Variants in SSH2 observed in about 807,000 individuals in gnomAD.
SSH2 encodes protein phosphatase Slingshot homolog 2.
Under a neutral mutation model 135.2 loss-of-function variants are expected in SSH2, and 37 were observed. The ratio of observed to expected loss-of-function variants is 0.27; its 90% confidence interval spans 0.21 to 0.36. SSH2 has a LOEUF of 0.36. Ranked by LOEUF, SSH2 falls within the 10% of genes least tolerant of loss-of-function variation. The pLI, the probability that SSH2 is intolerant of heterozygous loss-of-function variation, is 1.00. For missense variants in SSH2, 1,408 were observed against 1,765.3 expected (o/e 0.80, Z 3.63); for synonymous variants, 628 against 646.2 (o/e 0.97, Z 0.43).
In SSH2 at chr17:29,683,794, A is replaced by C. The variant is rs566685449; in HGVS notation, c.479+769T>G. Among the ~76,000 whole-genome samples, 5 of 151,842 alleles carry C rather than the reference A, an allele frequency of 3.3e-5. No homozygotes were observed. The South Asian group carries it at 1.0e-3, about 32-fold the overall frequency. On this transcript the variant is annotated intron_variant, in intron 6 of 15. Transcript: ENST00000540801. The stretch of plus-strand genomic sequence containing the variant: ...TAAGGAAAAAAAAAAAAAAAAGACC[A>C]AATAGCTGGGTATGGTGGTGCATGC...
intron 3 of SSH2, among the ~76,000 whole-genome samples, chr17:29,736,309 T>A (rs557854176): frequency 1.3e-5 from 2 of 152,186 alleles, no homozygotes; most frequent in Non-Finnish European, 2.9e-5. Context: ...TGTCAACAGC[T>A]ACCCAGAGCA....
At position 29,632,898 on chromosome 17, in the gene SSH2, T is replaced by C. The variant is rs758755460; in HGVS notation, c.2296A>G (p.Met766Val). The change falls in exon 16 of 16, where the codon ATG (methionine) becomes GTG (valine). Residue 766 changes from methionine (M) to valine (V), a missense_variant. Physicochemically the swap from Met to Val is conservative, Grantham distance 21 (BLOSUM62 1). Transcript: ENST00000540801. The stretch of plus-strand genomic sequence containing the variant: ...ATTGCATTTTCCGAGTGAGACTGCA[T>C]GAAGATGTCTGGGCTGACCAGTTCT... ...ISELVSPDIFMQSHSENAISV... is the reference protein window; with the variant it reads ...ISELVSPDIFVQSHSENAISV... The C allele has an allele frequency of 1.9e-6, 3 of 1,613,372 alleles. No individual in the cohort carries two copies. Among genetic ancestry groups the C allele is most frequent in the African/African-American group, 1.3e-5 (1 of 75,054 alleles).
At chr17:29,909,717 C>G (rs1398804371) in intron 1 of SSH2, among the ~76,000 whole-genome samples, 2 of 152,116 alleles carry the variant, frequency 1.3e-5, no homozygotes, top group East Asian at 3.8e-4. Flanking sequence ...TTTGTTATTT[C>G]CAGTGCTTAC....
At chr17:29,891,663 T>C (rs922220678) in intron 1 of SSH2, among the ~76,000 whole-genome samples, 2 of 151,146 alleles carry the variant, frequency 1.3e-5, no homozygotes, top group African/African-American at 4.9e-5. Context: ...TTGCAGAATT[T>C]CCAGACTTCT....
chr17:29,916,705 T>C (rs556874477), intron 1 of SSH2, among the ~76,000 whole-genome samples: 1 of 152,282 alleles, frequency 6.6e-6, no homozygotes, highest in Non-Finnish European at 1.5e-5. Context: ...AAGGTTTATG[T>C]TAGGATAACT....
At chr17:29,746,906 T>G (rs2040782293) in intron 3 of SSH2, among the ~76,000 whole-genome samples, 1 of 152,238 alleles carries the variant, frequency 6.6e-6, no homozygotes, top group Non-Finnish European at 1.5e-5. Flanking sequence ...CTTAAAGTGT[T>G]GCTTAAGTTG....
At chr17:29,656,608 G>A (rs2036792032) in intron 11 of SSH2, among the ~76,000 whole-genome samples, 1 of 152,230 alleles carries the variant, frequency 6.6e-6, no homozygotes, top group South Asian at 2.1e-4. Context: ...AAAATTTTAA[G>A]ATAGGGATAA....
intron 2 of SSH2, among the ~76,000 whole-genome samples, chr17:29,794,559 A>G (rs1026667182): frequency 5.9e-5 from 9 of 152,258 alleles, no homozygotes; most frequent in African/African-American, 2.2e-4. Flanking sequence ...AATGTCATAT[A>G]AAAGCACTGA....
intron 9 of SSH2, among the ~76,000 whole-genome samples, chr17:29,668,539 C>T (rs2037365133): frequency 6.6e-6 from 1 of 151,536 alleles, no homozygotes; most frequent in African/African-American, 2.4e-5. Context: ...GAGACTAGCC[C>T]AGGCAATTGG....
At chr17:29,750,654 C>G (rs916123926) in intron 3 of SSH2, among the ~76,000 whole-genome samples, 3 of 151,534 alleles carry the variant, frequency 2.0e-5, no homozygotes, top group African/African-American at 7.3e-5. Flanking sequence ...CCCAGAGTAG[C>G]TGGGATTACA....
At chr17:29,866,514 T>C (rs937958486) in intron 1 of SSH2, among the ~76,000 whole-genome samples, 2 of 152,146 alleles carry the variant, frequency 1.3e-5, no homozygotes, top group African/African-American at 2.4e-5. Flanking sequence ...AACAAGTTTA[T>C]ACAGACAGGG....
At position 29,681,822 on chromosome 17, in the gene SSH2, G is replaced by A. The variant is rs577958504; in HGVS notation, c.479+2741C>T. On this transcript the variant is annotated intron_variant, in intron 6 of 15. Transcript: ENST00000540801. The stretch of plus-strand genomic sequence containing the variant: ...ACATTTACATTCTCAGATATGAAAT[G>A]ATACAAATTCAAATTCCTTCAACAA... Among the ~76,000 whole-genome samples the A allele has an allele frequency of 5.3e-5, 8 of 152,244 alleles. No homozygotes were observed. The South Asian group carries it at 1.7e-3, about 32-fold the overall frequency.
At chr17:29,634,593 G>GC (rs2035818096) in intron 15 of SSH2, among the ~76,000 whole-genome samples, 1 of 152,058 alleles carries the variant, frequency 6.6e-6, no homozygotes, top group Admixed American at 6.5e-5. Context: ...TCGCTCTGTT[G>GC]CCAGGCTGGA....
At chr17:29,924,437 T>C (rs1337433874) in intron 1 of SSH2, among the ~76,000 whole-genome samples, 1 of 152,198 alleles carries the variant, frequency 6.6e-6, no homozygotes, top group Non-Finnish European at 1.5e-5. Flanking sequence ...TGGACATCTA[T>C]CTAAAAATAT....
At chr17:29,822,725 AAAAGCAACTTT>A (rs1231230226) in intron 2 of SSH2, among the ~76,000 whole-genome samples, 5 of 152,140 alleles carry the variant, frequency 3.3e-5, no homozygotes, top group African/African-American at 1.2e-4. Context: ...CTATTTCCAC[AAAAGCAACTTT>A]AACGGACAGT....
intron 3 of SSH2, among the ~76,000 whole-genome samples, chr17:29,789,390 A>C (rs985966469): frequency 6.6e-6 from 1 of 152,220 alleles, no homozygotes; most frequent in Admixed American, 6.5e-5. Flanking sequence ...TCTCAATAGA[A>C]GCCAGGATAG....
Position 29,632,381 on chromosome 17 carries a change from T to G in SSH2, c.2813A>C (p.Lys938Thr). ...TGGGGGGGCTTCATCACTTTTCCCT[T>G]TTGGTGCTAGGTCTGCCACAGAAGA... Reference protein sequence around the residue: ...NDSSVADLAPKGKSDEAPPEH... With the variant: ...NDSSVADLAPTGKSDEAPPEH... Residue 938 changes from lysine to threonine, a missense_variant, in exon 16 of 16, where the codon AAA becomes ACA. By Grantham distance (78) the Lys-to-Thr change is moderately conservative. Transcript: ENST00000540801. 6.2e-7 allele frequency: 1 copy of G among 1,614,058 alleles called. No homozygotes were observed. Among genetic ancestry groups the G allele is most frequent in the Non-Finnish European group, 8.5e-7 (1 of 1,179,912 alleles).
chr17:29,632,062 T>C lies in SSH2; in HGVS notation c.3132A>G (p.Ile1044Met). ...GCCCAGTGTGATTGGGTGATGTAAC[T>C]ATGTGGGTATATTCAATGATTTCTA... The part of the protein sequence containing the change: ...KRVEIIEYTH[I>M]VTSPNHTGPG... The change falls in exon 16 of 16, where the codon ATA becomes ATG. Residue 1044 changes from isoleucine to methionine, a missense_variant. Transcript: ENST00000540801. The C allele has an allele frequency of 6.2e-7, 1 of 1,614,202 alleles. No individual in the cohort carries two copies. Among genetic ancestry groups the C allele is most frequent in the Non-Finnish European group, 8.5e-7 (1 of 1,180,034 alleles).
Position 29,630,918 on chromosome 17 carries a change from T to C in SSH2, c.4276A>G (p.Arg1426Gly), listed in dbSNP as rs1282357726. 1 of 1,608,430 alleles carries C rather than the reference T, an allele frequency of 6.2e-7. No homozygotes were observed. Among genetic ancestry groups the C allele is most frequent in the Admixed American group, 1.7e-5 (1 of 59,904 alleles). Reference sequence around the variant, plus strand: ...TTCAGTCTCCTAAGGGGGTGAGTTCTGCCGTGTTGCTGACGGGGTGCCACG... The same window carrying C: ...TTCAGTCTCCTAAGGGGGTGAGTTCCGCCGTGTTGCTGACGGGGTGCCACG... ...LAVAPRQQHGRTHPLRRLKKA... is the reference protein window; with the variant it reads ...LAVAPRQQHGGTHPLRRLKKA... The change falls in exon 16 of 16, where the codon AGA becomes GGA. Residue 1426 changes from arginine to glycine, a missense_variant. Transcript: ENST00000540801.
Sources: allele counts gnomAD v4.1 joint callset (sites outside exome capture counted in the v4.1 genomes callset), GRCh38; gene constraint gnomAD v4.1.1; transcripts MANE v1.5; gene names NCBI Gene and HGNC (gene_info 2026-07-23, HGNC 2026-07-21).